TRAPPC9: variants seen among roughly 807,000 people sequenced by gnomAD.
The protein encoded by TRAPPC9 is trafficking protein particle complex subunit 9.
Under a neutral mutation model 124.0 loss-of-function variants are expected in TRAPPC9, and 83 were observed. That is an observed-to-expected ratio of 0.67 (90% confidence interval 0.56 to 0.80). The LOEUF is 0.80. TRAPPC9 is among the 30% of genes least tolerant of loss of function. The probability of loss-of-function intolerance (pLI) is 0.00; values close to 1 mark genes in which losing one functional copy is unlikely to be tolerated. For missense variants in TRAPPC9, 1,302 were observed against 1,508.3 expected (o/e 0.86, Z 2.27); for synonymous variants, 638 against 617.5 (o/e 1.03, Z -0.49).
At chr8:140,131,578 A>C (rs986512787) in intron 17 of TRAPPC9, among the ~76,000 whole-genome samples, 3 of 152,158 alleles carry the variant, frequency 2.0e-5, no homozygotes, top group Non-Finnish European at 4.4e-5. Context: ...CTGTGGTGGA[A>C]ACTGCACACC....
At chr8:140,029,487 A>T (rs1563702567) in intron 17 of TRAPPC9, among the ~76,000 whole-genome samples, 1 of 152,194 alleles carries the variant, frequency 6.6e-6, no homozygotes, top group Non-Finnish European at 1.5e-5. Flanking sequence ...CCTGGGCGAC[A>T]GAGCAAGACT....
chr8:139,819,661 C>T (rs568491382), intron 21 of TRAPPC9, among the ~76,000 whole-genome samples: 7 of 152,202 alleles, frequency 4.6e-5, no homozygotes, highest in South Asian at 4.2e-4. Flanking sequence ...AGCAGTGCAT[C>T]GAAAGAATCA....
Position 139,727,858 on chromosome 8 carries a change from G to A in TRAPPC9, c.*3203C>T, listed in dbSNP as rs1023339494. Among the ~76,000 whole-genome samples, 21 of 152,118 alleles carry A rather than the reference G, an allele frequency of 1.4e-4. No homozygotes were observed. Among genetic ancestry groups the A allele is most frequent in the African/African-American group, 4.6e-4 (19 of 41,424 alleles). Reference sequence around the variant, plus strand: ...ACATTAAGCCATGCAGGGGACTAACGGAGCATAGCAATGTGGCCTGTTAAG... The same window carrying A: ...ACATTAAGCCATGCAGGGGACTAACAGAGCATAGCAATGTGGCCTGTTAAG... On this transcript the variant is annotated 3_prime_UTR_variant, in exon 23 of 23. Coordinates refer to ENST00000438773, the MANE Select transcript of TRAPPC9 (RefSeq NM_001160372.4).
At chr8:140,407,814 G>T (rs1248323225) in intron 5 of TRAPPC9, among the ~76,000 whole-genome samples, 2 of 152,098 alleles carry the variant, frequency 1.3e-5, no homozygotes, top group Non-Finnish European at 2.9e-5. Flanking sequence ...TAGAGATGGG[G>T]TTTCACCATG....
chr8:139,831,041 G>A lies in TRAPPC9; in HGVS notation c.3055+54838C>T, dbSNP rs145195388. Among the ~76,000 whole-genome samples the A allele has an allele frequency of 1.6e-3, 237 of 152,334 alleles. 1 individual carries two copies. Among genetic ancestry groups the A allele is most frequent in the Non-Finnish European group, 4.3e-4 (29 of 68,040 alleles). On this transcript the variant is annotated intron_variant, in intron 21 of 22. Coordinates refer to ENST00000438773, the MANE Select transcript of TRAPPC9 (RefSeq NM_001160372.4). The stretch of plus-strand genomic sequence containing the variant: ...ATCACAGCGACCTTGGGAAGCGGGA[G>A]CACTTGCCCCATTTCAGAAATGAGC...
chr8:140,000,442 G>T (rs1449012770), intron 18 of TRAPPC9, among the ~76,000 whole-genome samples: 2 of 152,190 alleles, frequency 1.3e-5, no homozygotes, highest in Non-Finnish European at 2.9e-5. Flanking sequence ...AGAGTGAACA[G>T]GCAACCTACA....
chr8:140,030,026 C>T (rs1840405415), intron 17 of TRAPPC9, among the ~76,000 whole-genome samples: 1 of 151,922 alleles, frequency 6.6e-6, no homozygotes, highest in Non-Finnish European at 1.5e-5. Flanking sequence ...TGACAGGCAA[C>T]AAAAAGAAAA....
chr8:140,020,671 T>C (rs1454287554), intron 18 of TRAPPC9, among the ~76,000 whole-genome samples: 4 of 152,218 alleles, frequency 2.6e-5, no homozygotes, highest in African/African-American at 9.6e-5. Context: ...GTGGAGCTGA[T>C]TAAAAGAATT....
chr8:140,156,991 A>G (rs2130861403), intron 17 of TRAPPC9, among the ~76,000 whole-genome samples: 1 of 114,190 alleles, frequency 8.8e-6, no homozygotes, highest in African/African-American at 3.4e-5. Flanking sequence ...CTTTCCATTC[A>G]AAAGCCTCCC....
At chr8:139,932,595 C>T (rs1205548327) in intron 19 of TRAPPC9, 1 of 440,774 alleles carries the variant, frequency 2.3e-6, no homozygotes, top group African/African-American at 2.0e-5. Context: ...AAACCCGTCT[C>T]TACTAATTTA....
chr8:139,814,728 GA>G (rs1313784262), intron 21 of TRAPPC9, among the ~76,000 whole-genome samples: 1 of 151,442 alleles, frequency 6.6e-6, no homozygotes, highest in Non-Finnish European at 1.5e-5. Flanking sequence ...GAAAGGAAAG[GA>G]AAAAGGAAAG....
At chr8:140,162,785 T>A (rs1257634793) in intron 17 of TRAPPC9, among the ~76,000 whole-genome samples, 1 of 152,146 alleles carries the variant, frequency 6.6e-6, no homozygotes, top group African/African-American at 2.4e-5. Context: ...TCCAGGAGTT[T>A]GAGACCAGCC....
chr8:140,050,608 G>A (rs1207771058), intron 17 of TRAPPC9, among the ~76,000 whole-genome samples: 2 of 152,036 alleles, frequency 1.3e-5, no homozygotes, highest in Admixed American at 1.3e-4. Context: ...GGAGGCACAC[G>A]GGACTCAGGA....
At chr8:140,393,488 C>A (rs542630522) in intron 7 of TRAPPC9, among the ~76,000 whole-genome samples, 1 of 152,268 alleles carries the variant, frequency 6.6e-6, no homozygotes, top group Admixed American at 6.5e-5. Flanking sequence ...TTATCATAAA[C>A]CATTCACCTA....
chr8:140,231,387 C>A (rs1176069223), intron 16 of TRAPPC9, among the ~76,000 whole-genome samples: 1 of 151,510 alleles, frequency 6.6e-6, no homozygotes, highest in Admixed American at 6.6e-5. Context: ...AAGTAAATGA[C>A]CATCTTCCAG....
At chr8:139,934,403 T>C (rs2131402122) in intron 19 of TRAPPC9, among the ~76,000 whole-genome samples, 1 of 152,320 alleles carries the variant, frequency 6.6e-6, no homozygotes, top group Non-Finnish European at 1.5e-5. Context: ...ATGACAAATA[T>C]TCTACCACCA....
At chr8:139,847,253 G>A (rs964046599) in intron 21 of TRAPPC9, among the ~76,000 whole-genome samples, 17 of 152,232 alleles carry the variant, frequency 1.1e-4, no homozygotes, top group Admixed American at 9.2e-4. Context: ...AACCAATAGA[G>A]GTTTTCTGAG....
intron 9 of TRAPPC9, among the ~76,000 whole-genome samples, chr8:140,352,725 A>C (rs1280777601): frequency 6.6e-6 from 1 of 152,104 alleles, no homozygotes; most frequent in African/African-American, 2.4e-5. Context: ...CAGTCAGAGC[A>C]CTGCTAGAGT....
chr8:140,457,859 A>G (rs977558103), upstream of TRAPPC9: 8 of 1,096,936 alleles, frequency 7.3e-6, no homozygotes, highest in Non-Finnish European at 9.0e-6. Flanking sequence ...GCGAGGGAGA[A>G]AAGAGGAAGG....
Sources: allele counts gnomAD v4.1 joint callset (sites outside exome capture counted in the v4.1 genomes callset), GRCh38; gene constraint gnomAD v4.1.1; transcripts MANE v1.5; gene names NCBI Gene and HGNC (gene_info 2026-07-23, HGNC 2026-07-21).